DDX10: variants seen among roughly 807,000 people sequenced by gnomAD.
The protein encoded by DDX10 is probable ATP-dependent RNA helicase DDX10.
Under a neutral mutation model 104.3 loss-of-function variants are expected in DDX10, and 74 were observed. That is an observed-to-expected ratio of 0.71 (90% CI 0.59 to 0.86). The LOEUF (loss-of-function observed/expected upper bound fraction) is 0.86. Among genes scored for constraint, DDX10 ranks in the 40% least tolerant of loss-of-function variants. DDX10 has a pLI of 0.00. For missense variants in DDX10, 952 were observed against 1,040.0 expected (o/e 0.92, Z 1.16); for synonymous variants, 351 against 353.4 (o/e 0.99, Z 0.08).
intron 17 of DDX10, chr11:108,921,376 T>G (rs10890905): frequency 0.47 from 72,135 of 152,070 alleles, 19,685 homozygotes; most frequent in Non-Finnish European, 0.61. Flanking sequence ...ATTCTTCCAG[T>G]TTGGCTACAC....
chr11:108,677,071 G>C lies in DDX10; in HGVS notation c.379-14G>C. 2 of 1,590,544 alleles carry C rather than the reference G, an allele frequency of 1.3e-6. No homozygotes were observed. Among genetic ancestry groups the C allele is most frequent in the Non-Finnish European group, 1.7e-6 (2 of 1,164,346 alleles). On this transcript the variant is annotated splice_polypyrimidine_tract_variant and intron_variant, in intron 3 of 17. Coordinates refer to ENST00000322536, the MANE Select transcript of DDX10 (RefSeq NM_004398.4). The stretch of plus-strand genomic sequence containing the variant: ...CTGATGACTTACTGAACATGAATTT[G>C]CTGTCTTTTTGAGGTGCTGGAAGCC...
At chr11:108,808,233 G>A (rs1217448669) in intron 13 of DDX10, among the ~76,000 whole-genome samples, 1 of 151,888 alleles carries the variant, frequency 6.6e-6, no homozygotes, top group Non-Finnish European at 1.5e-5. Context: ...TTTTTTTCCA[G>A]TAACTATTGT....
At chr11:108,925,234 G>A (rs1237629576) in intron 17 of DDX10, among the ~76,000 whole-genome samples, 2 of 152,170 alleles carry the variant, frequency 1.3e-5, no homozygotes, top group Admixed American at 1.3e-4. Context: ...TATTTTCTGG[G>A]GTGAGGACTG....
chr11:108,869,703 G>T lies in DDX10; in HGVS notation c.2304+17494G>T, dbSNP rs560848260. Among the ~76,000 whole-genome samples the T allele has an allele frequency of 2.6e-5, 4 of 151,914 alleles. No individual in the cohort carries two copies. In the East Asian group the frequency reaches 7.7e-4, roughly 29 times the overall value. On this transcript the variant is annotated intron_variant, in intron 16 of 17. Transcript: ENST00000322536. ...TCAAACTTTTATGAGTCAGTATATCGATACTGACTCAAAATAATGCTTTCT... is the reference window on the plus strand; with the variant it reads ...TCAAACTTTTATGAGTCAGTATATCTATACTGACTCAAAATAATGCTTTCT...
Position 108,815,564 on chromosome 11 carries a change from A to G in DDX10, c.1966-22882A>G, listed in dbSNP as rs1425807854. ...CATATTGTTCAAGGGTCAACTGTGT[A>G]CTTGTATAATGTCATAATTAAGAGC... On this transcript the variant is annotated intron_variant, in intron 13 of 17. Transcript: ENST00000322536. Among the ~76,000 whole-genome samples, 3 of 152,206 alleles carry G rather than the reference A, an allele frequency of 2.0e-5. No homozygotes were observed. In the East Asian group the frequency reaches 5.8e-4, roughly 29 times the overall value.
intron 16 of DDX10, among the ~76,000 whole-genome samples, chr11:108,867,936 A>G (rs1863028378): frequency 6.6e-6 from 1 of 152,064 alleles, no homozygotes; most frequent in Non-Finnish European, 1.5e-5. Context: ...ATAACTTATA[A>G]TCTGTCTTCA....
At chr11:108,871,255 G>A (rs1044539572) in intron 16 of DDX10, among the ~76,000 whole-genome samples, 1 of 152,138 alleles carries the variant, frequency 6.6e-6, no homozygotes. Flanking sequence ...GAGTGAAAGG[G>A]GTTGCAGTGA....
intron 17 of DDX10, among the ~76,000 whole-genome samples, chr11:108,934,896 T>G (rs1276751752): frequency 6.6e-6 from 1 of 152,190 alleles, no homozygotes; most frequent in Admixed American, 6.6e-5. Flanking sequence ...GATTGAGTGT[T>G]CTGGGGGTGC....
chr11:108,826,605 A>G (rs989696623), intron 13 of DDX10, among the ~76,000 whole-genome samples: 10 of 152,220 alleles, frequency 6.6e-5, no homozygotes, highest in African/African-American at 2.4e-4. Flanking sequence ...AGGAGTAGAA[A>G]CTGTAACCAA....
chr11:108,865,737 T>G (rs1234268100), intron 16 of DDX10, among the ~76,000 whole-genome samples: 1 of 152,074 alleles, frequency 6.6e-6, no homozygotes, highest in African/African-American at 2.4e-5. Flanking sequence ...CTAGAAGGAT[T>G]CATTTGTTTA....
At chr11:108,700,353 AT>A (rs1399474976) in intron 9 of DDX10, among the ~76,000 whole-genome samples, 2 of 152,162 alleles carry the variant, frequency 1.3e-5, no homozygotes, top group African/African-American at 4.8e-5. Flanking sequence ...TATGTCGATG[AT>A]TTCTCAGTTT....
chr11:108,695,443 A>G (rs1052106526), intron 9 of DDX10, among the ~76,000 whole-genome samples: 5 of 152,226 alleles, frequency 3.3e-5, no homozygotes, highest in African/African-American at 1.2e-4. Context: ...AGGCCCGAGC[A>G]CAGACTGTCC....
intron 11 of DDX10, 101 bp from the exon 12 acceptor site, chr11:108,719,696 A>G (rs1346276398): frequency 1.5e-5 from 10 of 648,188 alleles, no homozygotes; most frequent in African/African-American, 1.3e-4. Flanking sequence ...GTGGTTTTTC[A>G]GTACTATTGA....
intron 13 of DDX10, among the ~76,000 whole-genome samples, chr11:108,749,510 A>G (rs997627591): frequency 4.6e-5 from 7 of 152,164 alleles, no homozygotes; most frequent in Non-Finnish European, 7.4e-5. Context: ...TAAAGAAATC[A>G]TATAACTTTC....
intron 17 of DDX10, among the ~76,000 whole-genome samples, chr11:108,924,232 C>T (rs1345032933): frequency 3.3e-5 from 5 of 152,140 alleles, no homozygotes; most frequent in Non-Finnish European, 7.4e-5. Context: ...GATGATTCAA[C>T]TCTTACTACC....
intron 13 of DDX10, among the ~76,000 whole-genome samples, chr11:108,779,389 G>T (rs1359048034): frequency 6.6e-6 from 1 of 152,168 alleles, no homozygotes; most frequent in Non-Finnish European, 1.5e-5. Flanking sequence ...CCTTTGCAGG[G>T]ACATGGATGA....
At chr11:108,896,174 G>T (rs1202479653) in intron 16 of DDX10, among the ~76,000 whole-genome samples, 1 of 152,124 alleles carries the variant, frequency 6.6e-6, no homozygotes, top group Non-Finnish European at 1.5e-5. Context: ...ACTATGAATT[G>T]TTATAGAGCA....
intron 13 of DDX10, among the ~76,000 whole-genome samples, chr11:108,747,964 CT>C (rs1256718171): frequency 3.3e-5 from 5 of 151,992 alleles, no homozygotes; most frequent in African/African-American, 9.7e-5. Context: ...AAAAAATTGT[CT>C]GTGTAGGGGC....
intron 13 of DDX10, among the ~76,000 whole-genome samples, chr11:108,727,516 T>C (rs551727500): frequency 2.6e-5 from 4 of 152,312 alleles, no homozygotes; most frequent in East Asian, 3.9e-4. Context: ...CCTTGAAATG[T>C]TGTCTTTTGT....
Sources: gnomAD v4.1 joint callset for allele counts (sites outside exome capture counted in the v4.1 genomes callset) on GRCh38, gnomAD v4.1.1 for gene constraint, MANE v1.5 for transcripts, NCBI Gene and HGNC (gene_info 2026-07-23, HGNC 2026-07-21) for gene names.